Variants in LIN7A observed in about 807,000 individuals in gnomAD.
LIN7A encodes the protein protein lin-7 homolog A.
A neutral mutation model predicts 29.8 loss-of-function variants in LIN7A; 25 were observed. That is an observed-to-expected ratio of 0.84 (90% CI 0.61 to 1.17). LIN7A has a LOEUF of 1.17. Among genes scored for constraint, LIN7A ranks in the 50% most tolerant of loss-of-function variants. LIN7A has a pLI of 0.00. For missense variants in LIN7A, 239 were observed against 287.0 expected (o/e 0.83, Z 1.21); for synonymous variants, 118 against 107.5 (o/e 1.10, Z -0.60).
At chr12:80,804,070 A>T (rs932251264) in intron 5 of LIN7A, among the ~76,000 whole-genome samples, 5 of 152,232 alleles carry the variant, frequency 3.3e-5, no homozygotes, top group South Asian at 2.1e-4. Flanking sequence ...CTTTATTTTT[A>T]AATTTTTTTA....
At chr12:80,897,319 C>T (rs1164627156) in intron 1 of LIN7A, among the ~76,000 whole-genome samples, 2 of 151,974 alleles carry the variant, frequency 1.3e-5, no homozygotes, top group African/African-American at 4.8e-5. Context: ...TCCTTACAGC[C>T]GACTATAGCC....
At chr12:80,913,453 A>T (rs1876868292) in intron 1 of LIN7A, among the ~76,000 whole-genome samples, 1 of 152,180 alleles carries the variant, frequency 6.6e-6, no homozygotes, top group Admixed American at 6.5e-5. Context: ...GTGTAGAAAA[A>T]AGTTAGATGT....
At chr12:80,865,063 G>C (rs1321588821) in intron 2 of LIN7A, among the ~76,000 whole-genome samples, 2 of 152,106 alleles carry the variant, frequency 1.3e-5, no homozygotes, top group East Asian at 3.9e-4. Context: ...TTTTATTGGA[G>C]ATAATTGTCA....
At chr12:80,818,472 C>T (rs892208096) in intron 4 of LIN7A, among the ~76,000 whole-genome samples, 6 of 152,164 alleles carry the variant, frequency 3.9e-5, no homozygotes, top group Admixed American at 3.3e-4. Flanking sequence ...GCTAGTAAGT[C>T]GAACAGATCA....
At chr12:80,912,898 A>T (rs756247) in intron 1 of LIN7A, among the ~76,000 whole-genome samples, 19,987 of 152,126 alleles carry the variant, frequency 0.13, 1,939 homozygotes, top group East Asian at 0.32. Context: ...ATTCTAAAAC[A>T]TTAATTTCAT....
At chr12:80,812,805 C>G (rs1444510937) in intron 4 of LIN7A, among the ~76,000 whole-genome samples, 1 of 152,216 alleles carries the variant, frequency 6.6e-6, no homozygotes, top group Non-Finnish European at 1.5e-5. Flanking sequence ...CCTCCCTCAG[C>G]CTCTCAAGCT....
At chr12:80,838,099 T>C (rs776732418) in intron 4 of LIN7A, among the ~76,000 whole-genome samples, 3 of 152,206 alleles carry the variant, frequency 2.0e-5, no homozygotes, top group Non-Finnish European at 4.4e-5. Flanking sequence ...CAAATACCCA[T>C]TACCAGCAAT....
At chr12:80,894,469 C>A (rs780000680) in intron 1 of LIN7A, among the ~76,000 whole-genome samples, 10 of 152,160 alleles carry the variant, frequency 6.6e-5, no homozygotes, top group Non-Finnish European at 1.5e-4. Context: ...CTCACACTTT[C>A]ATCACACTTC....
intron 4 of LIN7A, chr12:80,832,635 T>C (rs754753042): frequency 2.2e-6 from 1 of 460,982 alleles, no homozygotes. Flanking sequence ...TGATGGCTTA[T>C]GGTAGCTTCC....
At chr12:80,896,692 A>G (rs1875917763) in intron 1 of LIN7A, among the ~76,000 whole-genome samples, 1 of 152,208 alleles carries the variant, frequency 6.6e-6, no homozygotes, top group African/African-American at 2.4e-5. Flanking sequence ...TATTGAAAAT[A>G]CCCAACTTTA....
chr12:80,830,719 A>G (rs574051978), intron 4 of LIN7A, among the ~76,000 whole-genome samples: 2 of 152,330 alleles, frequency 1.3e-5, no homozygotes, highest in East Asian at 3.9e-4. Context: ...CTCTACTCCA[A>G]TCCACTCCAG....
intron 2 of LIN7A, among the ~76,000 whole-genome samples, chr12:80,885,044 T>A (rs1875257099): frequency 6.6e-6 from 1 of 152,152 alleles, no homozygotes. Flanking sequence ...CTTTGTACTC[T>A]GTATTCTTTG....
intron 1 of LIN7A, among the ~76,000 whole-genome samples, chr12:80,933,518 T>C (rs866709352): frequency 2.6e-5 from 4 of 152,230 alleles, no homozygotes; most frequent in South Asian, 2.1e-4. Context: ...TTCTCTGTTA[T>C]TCTCTATTCC....
chr12:80,913,982 C>T (rs1441178490), intron 1 of LIN7A, among the ~76,000 whole-genome samples: 1 of 152,148 alleles, frequency 6.6e-6, no homozygotes, highest in Non-Finnish European at 1.5e-5. Context: ...TTGGTTGTTT[C>T]CCCCACATCT....
chr12:80,922,068 T>C (rs1877343236), intron 1 of LIN7A, among the ~76,000 whole-genome samples: 1 of 152,174 alleles, frequency 6.6e-6, no homozygotes, highest in African/African-American at 2.4e-5. Context: ...TGTAATGAAA[T>C]AGGAAAGGAA....
chr12:80,924,425 T>C (rs1877470493), intron 1 of LIN7A, among the ~76,000 whole-genome samples: 3 of 152,344 alleles, frequency 2.0e-5, no homozygotes, highest in South Asian at 4.1e-4. Context: ...AATAAAATAA[T>C]TGTTGAGCAC....
intron 1 of LIN7A, chr12:80,935,822 T>A: frequency 2.0e-6 from 1 of 493,754 alleles, no homozygotes. Context: ...AGAGTTTGGC[T>A]GTGAACAAGA....
intron 1 of LIN7A, among the ~76,000 whole-genome samples, chr12:80,894,912 G>C (rs1163666): frequency 6.6e-6 from 1 of 152,002 alleles, no homozygotes; most frequent in African/African-American, 2.4e-5. Flanking sequence ...AGAAAGATGA[G>C]TCATCTGGCC....
chr12:80,871,747 C>A (rs1056407190), intron 2 of LIN7A, among the ~76,000 whole-genome samples: 1 of 151,830 alleles, frequency 6.6e-6, no homozygotes, highest in African/African-American at 2.4e-5. Context: ...GCAACTTTCA[C>A]AACTAAATAT....
Sources: gnomAD v4.1 joint callset for allele counts (sites outside exome capture counted in the v4.1 genomes callset) on GRCh38, gnomAD v4.1.1 for gene constraint, MANE v1.5 for transcripts, NCBI Gene and HGNC (gene_info 2026-07-23, HGNC 2026-07-21) for gene names.